MRTFB: variants seen among roughly 807,000 people sequenced by gnomAD.
MRTFB encodes the protein myocardin-related transcription factor B.
In MRTFB, 29 loss-of-function variants were observed where a neutral mutation model predicts 104.2. The observed-to-expected ratio is 0.28, with a 90% CI of 0.21 to 0.38. The LOEUF is 0.38. MRTFB is among the 10% of genes least tolerant of loss of function. MRTFB has a pLI of 1.00. For synonymous variants in MRTFB, 535 were observed against 519.5 expected (o/e 1.03, Z -0.41); for missense variants, 1,270 against 1,341.6 (o/e 0.95, Z 0.83).
At position 14,071,372 on chromosome 16, in the gene MRTFB, G is replaced by A; in HGVS notation, c.-129+7G>A. The A allele has an allele frequency of 6.0e-6, 1 of 165,600 alleles. No individual in the cohort carries two copies. The highest frequency in any genetic ancestry group is 1.3e-5 in the Non-Finnish European group (1 of 79,230). 10.3% of individuals were successfully genotyped at this position (165,600 alleles called of 1,614,324 possible). ...GGCGGCGGCGGCCGGGGAGGTGAGC[G>A]GCGGGCGGTGGCGGCCGTTGGGGGC... On this transcript the variant is annotated splice_region_variant and intron_variant, in intron 1 of 16. Transcript: ENST00000571589.
chr16:14,045,872 A>G, the MRTFB span, among the ~76,000 whole-genome samples: 7 of 152,092 alleles, frequency 4.6e-5, no homozygotes, highest in Admixed American at 1.3e-4. Context: ...TGTGAAAGAG[A>G]AGAGAGAAAT....
chr16:14,005,671 C>A, the MRTFB span, among the ~76,000 whole-genome samples: 3 of 152,086 alleles, frequency 2.0e-5, no homozygotes, highest in Admixed American at 1.3e-4. Flanking sequence ...AAGCATGTTC[C>A]GGAGATGGTC....
chr16:13,996,249 G>A, the MRTFB span, among the ~76,000 whole-genome samples: 1 of 151,762 alleles, frequency 6.6e-6, no homozygotes, highest in Non-Finnish European at 1.5e-5. Context: ...TCCAGCCTGG[G>A]TGACAGAGTG....
chr16:14,042,428 G>C, the MRTFB span, among the ~76,000 whole-genome samples: 1 of 152,096 alleles, frequency 6.6e-6, no homozygotes, highest in East Asian at 1.9e-4. Context: ...CTGGCCACTG[G>C]GTTTGTTTTC....
chr16:14,150,016 C>T (rs1020364335), intron 3 of MRTFB, among the ~76,000 whole-genome samples: 13 of 152,134 alleles, frequency 8.5e-5, no homozygotes, highest in Admixed American at 6.5e-4. Flanking sequence ...AGCACACATA[C>T]GGCACATCTT....
At chr16:14,068,370 C>T (rs551751992), upstream of MRTFB, among the ~76,000 whole-genome samples, 2 of 152,266 alleles carry the variant, frequency 1.3e-5, no homozygotes, top group South Asian at 2.1e-4. Flanking sequence ...ACTGGCCACC[C>T]GGAGGAGAAC....
At chr16:14,091,642 C>T (rs1035163896) in intron 2 of MRTFB, among the ~76,000 whole-genome samples, 2 of 152,228 alleles carry the variant, frequency 1.3e-5, no homozygotes, top group South Asian at 2.1e-4. Context: ...CACGTCCACT[C>T]TAGGCATATG....
rs1380045460 is a variant in MRTFB at position 14,138,994 on chromosome 16, TC to T, written c.-63-1549del. On this transcript the variant is annotated intron_variant, in intron 2 of 16. Transcript: ENST00000571589. ...AGATCTAGAAGAAAACAGGAAGTAA[TC>T]TTTATTACCTTGAGCTAATCAAAGA... 3.3e-5 allele frequency among the ~76,000 whole-genome samples: 5 copies of T among 152,084 alleles called. No individual in the cohort carries two copies. In the East Asian group the frequency reaches 9.6e-4, roughly 29 times the overall value.
intron 11 of MRTFB, 23 bp downstream of exon 11, chr16:14,245,683 A>G (rs753473003): frequency 6.2e-7 from 1 of 1,604,002 alleles, no homozygotes; most frequent in Admixed American, 1.7e-5. Context: ...ACTGGAGCTT[A>G]TTCACCCCTA....
intron 3 of MRTFB, among the ~76,000 whole-genome samples, chr16:14,148,382 C>T (rs2038431578): frequency 6.6e-6 from 1 of 152,136 alleles, no homozygotes; most frequent in Non-Finnish European, 1.5e-5. Context: ...TCTACCATAC[C>T]TATAAAAGAG....
the MRTFB span, among the ~76,000 whole-genome samples, chr16:14,015,369 G>C: frequency 1.3e-4 from 20 of 152,254 alleles, no homozygotes; most frequent in Admixed American, 3.9e-4. Context: ...TCAGGCCTGT[G>C]CTGTTAAGTC....
At chr16:14,110,564 G>C (rs1439057057) in intron 2 of MRTFB, among the ~76,000 whole-genome samples, 1 of 152,094 alleles carries the variant, frequency 6.6e-6, no homozygotes, top group African/African-American at 2.4e-5. Context: ...TCAAAGTGCT[G>C]TGATTCCAGG....
chr16:14,118,364 A>C (rs902219879), intron 2 of MRTFB, among the ~76,000 whole-genome samples: 2 of 148,408 alleles, frequency 1.3e-5, no homozygotes, highest in African/African-American at 5.0e-5. Context: ...CTGGTCTTGA[A>C]CTCCTGAACT....
intron 8 of MRTFB, among the ~76,000 whole-genome samples, chr16:14,232,824 A>G (rs1200418012): frequency 6.6e-6 from 1 of 152,170 alleles, no homozygotes; most frequent in East Asian, 1.9e-4. Flanking sequence ...TAGCCCTCCA[A>G]GTTTTCAGGT....
chr16:13,997,686 G>A, the MRTFB span, among the ~76,000 whole-genome samples: 43 of 151,438 alleles, frequency 2.8e-4, no homozygotes, highest in African/African-American at 9.7e-4. Context: ...CCAGCTACTT[G>A]GAAGGCTGAG....
chr16:14,226,510 T>A (rs2042009333), intron 8 of MRTFB, among the ~76,000 whole-genome samples: 2 of 152,204 alleles, frequency 1.3e-5, no homozygotes, highest in South Asian at 4.1e-4. Flanking sequence ...GACCTTTACC[T>A]AACATCGTAG....
chr16:14,061,082 C>G, the MRTFB span, among the ~76,000 whole-genome samples: 1 of 152,084 alleles, frequency 6.6e-6, no homozygotes, highest in Non-Finnish European at 1.5e-5. Flanking sequence ...GGAGGCAGAG[C>G]TTGCAGTGAG....
intron 2 of MRTFB, among the ~76,000 whole-genome samples, chr16:14,088,741 T>C (rs1349208417): frequency 6.6e-6 from 1 of 152,240 alleles, no homozygotes; most frequent in Non-Finnish European, 1.5e-5. Context: ...TGCGGGATGT[T>C]AATTTGGTTA....
chr16:14,265,696 T>C lies in MRTFB; in HGVS notation c.*4252T>C, dbSNP rs2043925723. On this transcript the variant is annotated 3_prime_UTR_variant, in exon 17 of 17. Coordinates refer to ENST00000571589, the MANE Select transcript of MRTFB (RefSeq NM_001308142.2). The stretch of plus-strand genomic sequence containing the variant: ...ACAAAGGGTTTCTACCTGAAATCTT[T>C]CATGGAAGGCCTACAATTCGAAAAG... 6.6e-6 allele frequency: 1 copy of C among 152,210 alleles called. No individual in the cohort carries two copies. The highest frequency in any genetic ancestry group is 2.1e-4 in the South Asian group (1 of 4,832). 9.4% of individuals were successfully genotyped at this position (152,210 alleles called of 1,614,324 possible). A position where few individuals can be genotyped will look rare whatever the true frequency, so the allele number is the denominator to read the frequency against.
Sources: gnomAD v4.1 joint callset for allele counts (sites outside exome capture counted in the v4.1 genomes callset) on GRCh38, gnomAD v4.1.1 for gene constraint, MANE v1.5 for transcripts, NCBI Gene and HGNC (gene_info 2026-07-23, HGNC 2026-07-21) for gene names.